DOCK8: variants seen among roughly 807,000 people sequenced by gnomAD.
DOCK8 encodes dedicator of cytokinesis protein 8.
In DOCK8, 141 loss-of-function variants were observed where a neutral mutation model predicts 245.6. The observed-to-expected ratio is 0.57, with a 90% CI of 0.50 to 0.66. The LOEUF (loss-of-function observed/expected upper bound fraction) is 0.66. Ranked by LOEUF, DOCK8 falls within the 30% of genes least tolerant of loss-of-function variation. The pLI, the probability that DOCK8 is intolerant of heterozygous loss-of-function variation, is 0.00. For synonymous variants in DOCK8, 1,168 were observed against 970.2 expected (o/e 1.20, Z -3.79); for missense variants, 2,965 against 2,603.4 (o/e 1.14, Z -3.02).
intron 22 of DOCK8, among the ~76,000 whole-genome samples, chr9:384,774 G>A (rs1264860589): frequency 1.3e-5 from 2 of 152,132 alleles, no homozygotes; most frequent in Non-Finnish European, 2.9e-5. Context: ...AAATTAGCCG[G>A]GCGTGGTGGC....
At chr9:282,082 A>G (rs114041464) in intron 2 of DOCK8, among the ~76,000 whole-genome samples, 2,331 of 152,280 alleles carry the variant, frequency 0.015, 57 homozygotes, top group African/African-American at 0.053. Flanking sequence ...CTTAATGATG[A>G]TATATGTTCT....
chr9:215,414 G>C (rs780601205), intron 1 of DOCK8: 2 of 1,525,098 alleles, frequency 1.3e-6, no homozygotes, highest in African/African-American at 1.4e-5. Flanking sequence ...TCCTTCCTTT[G>C]AGGCAAGTCT....
At chr9:463,903 G>C (rs1249948758) in intron 47 of DOCK8, among the ~76,000 whole-genome samples, 1 of 152,172 alleles carries the variant, frequency 6.6e-6, no homozygotes, top group East Asian at 1.9e-4. Flanking sequence ...CTTGGTGTTG[G>C]TCTTGTGCCA....
At chr9:239,991 A>G (rs1183421441) in intron 1 of DOCK8, among the ~76,000 whole-genome samples, 1 of 152,214 alleles carries the variant, frequency 6.6e-6, no homozygotes, top group Non-Finnish European at 1.5e-5. Flanking sequence ...CACTGAATAA[A>G]TTTATGCATT....
At chr9:296,156 T>G (rs2049252607) in intron 4 of DOCK8, among the ~76,000 whole-genome samples, 1 of 152,184 alleles carries the variant, frequency 6.6e-6, no homozygotes, top group Non-Finnish European at 1.5e-5. Context: ...CTTTTGAAAA[T>G]GATTACTGGT....
chr9:420,429 C>T lies in DOCK8; in HGVS notation c.3869C>T (p.Ala1290Val), dbSNP rs138180879. 68 of 1,614,032 alleles carry T rather than the reference C, an allele frequency of 4.2e-5. No individual in the cohort carries two copies. Among genetic ancestry groups the T allele is most frequent in the African/African-American group, 6.7e-5 (5 of 74,914 alleles). The change falls in exon 31 of 48, where the codon GCG (alanine) becomes GTG (valine). Residue 1290 changes from alanine (A) to valine (V), a missense_variant. Physicochemically the swap from Ala to Val is moderately conservative, Grantham distance 64 (BLOSUM62 0). This residue lies in a region of DOCK8 where 2,825 missense variants were observed against 2,453.5 expected (regional missense o/e 1.15). Coordinates refer to ENST00000432829, the MANE Select transcript of DOCK8 (RefSeq NM_203447.4). ...TATAAGCAGTACAACATGCTGAACG[C>T]GGACACTACTCGCAACCTCATGATC... is the stretch of plus-strand genomic sequence containing the variant. ...LPYKQYNMLN[A>V]DTTRNLMICF...
Position 458,725 on chromosome 9 carries a change from C to T in DOCK8, c.6069-4792C>T, listed in dbSNP as rs190351674. On this transcript the variant is annotated intron_variant, in intron 46 of 47. Transcript: ENST00000432829. ...GCTCGGGAAGCTGAGGTGGGAGGAT[C>T]ACTTGAGCCCAGGAGGCAGAGGTTG... Among the ~76,000 whole-genome samples, 10 of 152,206 alleles carry T rather than the reference C, an allele frequency of 6.6e-5. No homozygotes were observed. The East Asian group carries it at 1.2e-3, about 18-fold the overall frequency.
Position 453,160 on chromosome 9 carries a change from G to T in DOCK8, c.6068+1043G>T, listed in dbSNP as rs549978674. 3.9e-5 allele frequency among the ~76,000 whole-genome samples: 6 copies of T among 152,318 alleles called. No homozygotes were observed. The South Asian group carries it at 1.2e-3, about 32-fold the overall frequency. On this transcript the variant is annotated intron_variant, in intron 46 of 47. Transcript: ENST00000432829. ...CTTCACAGGCTTTTGCGAGAGGTCCGCAATTTTGCTGCATATACAGGAGAC... is the reference window on the plus strand; with the variant it reads ...CTTCACAGGCTTTTGCGAGAGGTCCTCAATTTTGCTGCATATACAGGAGAC...
chr9:394,527 C>A (rs2054353764), intron 24 of DOCK8, among the ~76,000 whole-genome samples: 1 of 152,196 alleles, frequency 6.6e-6, no homozygotes, highest in Non-Finnish European at 1.5e-5. Context: ...GTGTCAGTGC[C>A]CAAGCGCTAA....
At chr9:344,667 A>G (rs955824954) in intron 14 of DOCK8, among the ~76,000 whole-genome samples, 1 of 152,162 alleles carries the variant, frequency 6.6e-6, no homozygotes. Flanking sequence ...CCCCCAAAAT[A>G]AAAGTCTCTT....
intron 14 of DOCK8, among the ~76,000 whole-genome samples, chr9:355,937 C>G (rs1165113752): frequency 6.6e-6 from 1 of 152,126 alleles, no homozygotes; most frequent in Non-Finnish European, 1.5e-5. Context: ...TAAAGTAGTT[C>G]CAATCCTTCC....
intron 14 of DOCK8, among the ~76,000 whole-genome samples, chr9:367,142 A>G (rs2053044348): frequency 6.6e-6 from 1 of 152,220 alleles, no homozygotes; most frequent in Admixed American, 6.5e-5. Flanking sequence ...ACAAATTAGT[A>G]AATATGAAGT....
intron 1 of DOCK8, among the ~76,000 whole-genome samples, chr9:216,832 A>G (rs866218561): frequency 2.0e-5 from 3 of 152,150 alleles, no homozygotes; most frequent in African/African-American, 4.8e-5. Context: ...GACTAATCCT[A>G]CAGGCAGTCT....
chr9:327,752 G>A (rs1340208893), intron 8 of DOCK8, among the ~76,000 whole-genome samples: 1 of 152,152 alleles, frequency 6.6e-6, no homozygotes, highest in East Asian at 1.9e-4. Context: ...CTCTTCTGTA[G>A]TGAAGTAACT....
intron 28 of DOCK8, among the ~76,000 whole-genome samples, chr9:414,067 AG>A (rs2055876929): frequency 6.6e-6 from 1 of 151,482 alleles, no homozygotes; most frequent in South Asian, 2.1e-4. Flanking sequence ...GCTTGAACCC[AG>A]GAGGTGGAGG....
At chr9:366,834 A>G (rs561617793) in intron 14 of DOCK8, among the ~76,000 whole-genome samples, 1 of 152,278 alleles carries the variant, frequency 6.6e-6, no homozygotes, top group African/African-American at 2.4e-5. Flanking sequence ...TGGGAAATGC[A>G]GGTTGACATG....
At chr9:423,756 T>C (rs1320234970) in intron 33 of DOCK8, among the ~76,000 whole-genome samples, 1 of 152,170 alleles carries the variant, frequency 6.6e-6, no homozygotes, top group African/African-American at 2.4e-5. Flanking sequence ...TACATTCTAC[T>C]TCGGGCAATG....
intron 1 of DOCK8, among the ~76,000 whole-genome samples, chr9:217,036 G>A (rs2046772473): frequency 1.3e-5 from 2 of 152,110 alleles, no homozygotes; most frequent in African/African-American, 4.8e-5. Context: ...TTATGACTGT[G>A]GGGAGGATTA....
chr9:365,300 G>A (rs73641533), intron 14 of DOCK8, among the ~76,000 whole-genome samples: 11,053 of 152,202 alleles, frequency 0.073, 717 homozygotes, highest in African/African-American at 0.17. Context: ...GAGAGACAGG[G>A]ACAAGGTAAG....
Sources: allele counts gnomAD v4.1 joint callset (sites outside exome capture counted in the v4.1 genomes callset), GRCh38; gene constraint gnomAD v4.1.1; regional missense constraint gnomAD v4.1.1; transcripts MANE v1.5; gene names NCBI Gene and HGNC (gene_info 2026-07-23, HGNC 2026-07-21).